The following RPH3A variants were observed in gnomAD, a reference collection of about 807,000 sequenced individuals.
RPH3A encodes the protein rabphilin 3A, also known as rabphilin-3A.
Under a neutral mutation model 102.2 loss-of-function variants are expected in RPH3A, and 48 were observed. The observed-to-expected ratio is 0.47, with a 90% CI of 0.37 to 0.60. The LOEUF is 0.60. Among genes scored for constraint, RPH3A ranks in the 20% least tolerant of loss-of-function variants. The pLI is 0.00. For synonymous variants in RPH3A, 310 were observed against 324.3 expected (o/e 0.96, Z 0.47); for missense variants, 781 against 910.1 (o/e 0.86, Z 1.83).
intron 3 of RPH3A, 96 bp from the exon 4 acceptor site, chr12:112,836,395 A>G: frequency 3.3e-6 from 2 of 600,674 alleles, no homozygotes; most frequent in South Asian, 2.7e-5. Context: ...AATTCAAGCT[A>G]CGTGAGTGTT....
chr12:112,870,037 C>A lies in RPH3A; in HGVS notation c.794C>A (p.Ala265Glu), dbSNP rs746199452. The A allele has an allele frequency of 6.2e-7, 1 of 1,610,370 alleles. No homozygotes were observed. The highest frequency in any genetic ancestry group is 2.2e-5 in the East Asian group (1 of 44,840). ...GCTGGAGACTCCAGCCGGAGCCCAG[C>A]AGGTGAGCAAGATGGGCAAATCCAG... is the stretch of plus-strand genomic sequence containing the variant. ...GGAGDSSRSP[A>E]GLRRANSVQA... is the part of the protein sequence containing the mutation. The change falls in exon 10 of 22, where the codon GCA becomes GAA. Residue 265 changes from alanine to glutamate, a missense_variant and splice_region_variant. This residue lies in a region of RPH3A where 730 missense variants were observed against 810.0 expected (regional missense o/e 0.90). Transcript: ENST00000389385.
At chr12:112,626,633 T>G (rs1432869052) in intron 1 of RPH3A, among the ~76,000 whole-genome samples, 1 of 147,432 alleles carries the variant, frequency 6.8e-6, no homozygotes, top group African/African-American at 2.5e-5. Flanking sequence ...AGTTCAACCA[T>G]TGTGGAAGTC....
Position 112,894,578 on chromosome 12 carries a change from C to G in RPH3A, c.1776C>G (p.Leu592=), listed in dbSNP as rs780919715. The G allele has an allele frequency of 9.9e-6, 16 of 1,613,770 alleles. No homozygotes were observed. Among genetic ancestry groups the G allele is most frequent in the South Asian group, 2.2e-5 (2 of 91,004 alleles). The change falls in exon 20 of 22, where the codon CTC becomes CTG. Residue 592 remains leucine (L), a splice_region_variant and synonymous_variant. Coordinates refer to ENST00000389385, the MANE Select transcript of RPH3A (RefSeq NM_001143854.2). ...ANGYSDPFVK[L]WLKPDMGKKA... ...AATAGCATGTTGTGTCGCCTCCCAGCTGGCTGAAACCGGACATGGGAAAGA... is the reference window on the plus strand; with the variant it reads ...AATAGCATGTTGTGTCGCCTCCCAGGTGGCTGAAACCGGACATGGGAAAGA...
chr12:112,864,117 TAGTCAG>T (rs2042567712), intron 5 of RPH3A, among the ~76,000 whole-genome samples: 2 of 152,174 alleles, frequency 1.3e-5, no homozygotes, highest in South Asian at 4.1e-4. Context: ...ATAAAATTGG[TAGTCAG>T]AGGAGGCTCT....
At chr12:112,810,438 C>A (rs534005270) in intron 2 of RPH3A, among the ~76,000 whole-genome samples, 1 of 152,190 alleles carries the variant, frequency 6.6e-6, no homozygotes, top group African/African-American at 2.4e-5. Flanking sequence ...ATTTGCTGCT[C>A]GGCCCTGGTT....
At position 112,897,167 on chromosome 12, in the gene RPH3A, CA is replaced by C; in HGVS notation, c.*388del. The C allele has an allele frequency of 5.3e-6, 1 of 189,378 alleles. No individual in the cohort carries two copies. Among genetic ancestry groups the C allele is most frequent in the Non-Finnish European group, 1.1e-5 (1 of 89,310 alleles). 11.7% of individuals were successfully genotyped at this position (189,378 alleles called of 1,614,324 possible). On this transcript the variant is annotated 3_prime_UTR_variant, in exon 22 of 22. Coordinates refer to ENST00000389385, the MANE Select transcript of RPH3A (RefSeq NM_001143854.2). The stretch of plus-strand genomic sequence containing the variant: ...ATGTACACACACACACACACACACA[CA>C]CACACACCCTTTCATTCCCTGTGTT...
chr12:112,639,289 A>T (rs896680302), intron 1 of RPH3A, among the ~76,000 whole-genome samples: 4 of 152,306 alleles, frequency 2.6e-5, no homozygotes, highest in African/African-American at 9.6e-5. Flanking sequence ...ATTCTATAAA[A>T]AGCCCCACAA....
intron 1 of RPH3A, among the ~76,000 whole-genome samples, chr12:112,629,363 TC>T (rs2039787587): frequency 6.7e-6 from 1 of 148,208 alleles, no homozygotes; most frequent in South Asian, 2.1e-4. Context: ...ACTTAATCTC[TC>T]CTCTTTGAAC....
chr12:112,680,524 G>A (rs574113905), intron 1 of RPH3A, among the ~76,000 whole-genome samples: 1 of 152,182 alleles, frequency 6.6e-6, no homozygotes, highest in Admixed American at 6.5e-5. Context: ...CCTGCCCAAG[G>A]TCACACAGCT....
intron 1 of RPH3A, among the ~76,000 whole-genome samples, chr12:112,723,335 C>G (rs1418070918): frequency 6.6e-6 from 1 of 152,048 alleles, no homozygotes; most frequent in Non-Finnish European, 1.5e-5. Context: ...ATAAAGTAAG[C>G]TAGAGAAAAG....
At chr12:112,777,713 A>G (rs1333245567) in intron 1 of RPH3A, among the ~76,000 whole-genome samples, 1 of 152,222 alleles carries the variant, frequency 6.6e-6, no homozygotes, top group Non-Finnish European at 1.5e-5. Flanking sequence ...GAACATGAAT[A>G]GGATATTGTT....
intron 1 of RPH3A, among the ~76,000 whole-genome samples, chr12:112,668,087 C>G (rs560932564): frequency 6.6e-6 from 1 of 152,240 alleles, no homozygotes; most frequent in Admixed American, 6.5e-5. Context: ...TTCATAGCCC[C>G]ACTGCATATT....
chr12:112,694,048 G>A lies in RPH3A; in HGVS notation c.-139-98095G>A, dbSNP rs572178582. Among the ~76,000 whole-genome samples, 46 of 152,336 alleles carry A rather than the reference G, an allele frequency of 3.0e-4. No homozygotes were observed. In the East Asian group the frequency reaches 6.9e-3, roughly 23 times the overall value. ...AGGAAAACTCCTCTTGAAGCTGAAA[G>A]TGTTTCATCAGCCTGTCAATAAGAT... On this transcript the variant is annotated intron_variant, in intron 1 of 21. Coordinates refer to the RPH3A transcript ENST00000543106.
intron 1 of RPH3A, among the ~76,000 whole-genome samples, chr12:112,712,490 C>A (rs1176627275): frequency 2.0e-5 from 3 of 151,984 alleles, no homozygotes; most frequent in Non-Finnish European, 4.4e-5. Context: ...TTAAGACATA[C>A]AAAAAGGTGT....
At chr12:112,631,710 G>T (rs1040719869) in intron 1 of RPH3A, among the ~76,000 whole-genome samples, 2 of 151,796 alleles carry the variant, frequency 1.3e-5, no homozygotes, top group African/African-American at 4.8e-5. Context: ...TTTTTGTAGA[G>T]ATGGGCTCTC....
chr12:112,682,660 A>G (rs1239213504), intron 1 of RPH3A, among the ~76,000 whole-genome samples: 1 of 152,156 alleles, frequency 6.6e-6, no homozygotes, highest in Non-Finnish European at 1.5e-5. Context: ...AGCGTCATCC[A>G]GCCAGCAGCA....
chr12:112,652,675 C>T (rs1355057675), intron 1 of RPH3A, among the ~76,000 whole-genome samples: 6 of 152,156 alleles, frequency 3.9e-5, no homozygotes, highest in Admixed American at 3.9e-4. Context: ...TGCAAAAACT[C>T]ATTCATTCAT....
intron 1 of RPH3A, among the ~76,000 whole-genome samples, chr12:112,646,074 T>C (rs2039927743): frequency 6.6e-6 from 1 of 152,176 alleles, no homozygotes; most frequent in Non-Finnish European, 1.5e-5. Flanking sequence ...TTTAGTCTGG[T>C]GGGAGAGTTG....
intron 2 of RPH3A, among the ~76,000 whole-genome samples, chr12:112,795,320 T>C (rs1347525929): frequency 6.6e-6 from 1 of 152,056 alleles, no homozygotes; most frequent in Non-Finnish European, 1.5e-5. Flanking sequence ...AAGAAAACAG[T>C]GTGGTTTATT....
Sources: allele counts gnomAD v4.1 joint callset (sites outside exome capture counted in the v4.1 genomes callset), GRCh38; gene constraint gnomAD v4.1.1; regional missense constraint gnomAD v4.1.1; transcripts MANE v1.5; gene names NCBI Gene and HGNC (gene_info 2026-07-23, HGNC 2026-07-21).